VGLL3: variants seen among roughly 807,000 people sequenced by gnomAD.
VGLL3 encodes vestigial like family member 3.
A neutral mutation model predicts 29.2 loss-of-function variants in VGLL3; 18 were observed. That is an observed-to-expected ratio of 0.62 (90% CI 0.43 to 0.91). The LOEUF (loss-of-function observed/expected upper bound fraction) is 0.91, where lower values mean the gene tolerates loss of function less well. VGLL3 is among the 40% of genes least tolerant of loss of function. VGLL3 has a pLI of 0.00. For synonymous variants in VGLL3, 180 were observed against 151.8 expected, an observed-to-expected ratio of 1.19 and a Z score of -1.36; for missense variants, 440 against 413.2, an observed-to-expected ratio of 1.06 and a Z score of -0.56.
At chr3:86,951,608 C>T (rs1265864062) in intron 3 of VGLL3, among the ~76,000 whole-genome samples, 2 of 152,158 alleles carry the variant, frequency 1.3e-5, no homozygotes, top group Non-Finnish European at 2.9e-5. Context: ...GCAGCAGCTT[C>T]ACAGATCTAC....
chr3:86,971,743 A>G (rs1705106200), intron 2 of VGLL3, among the ~76,000 whole-genome samples: 1 of 152,240 alleles, frequency 6.6e-6, no homozygotes, highest in Non-Finnish European at 1.5e-5. Context: ...GGTCATTTGT[A>G]AAATATTTCT....
chr3:86,952,044 A>G (rs1017255027), intron 3 of VGLL3, among the ~76,000 whole-genome samples: 1 of 152,200 alleles, frequency 6.6e-6, no homozygotes, highest in African/African-American at 2.4e-5. Context: ...ATGAAAAGAC[A>G]GAACCAAAAA....
At position 86,990,771 on chromosome 3, in the gene VGLL3, G is replaced by A; in HGVS notation, c.-28C>T. On this transcript the variant is annotated 5_prime_UTR_variant, in exon 1 of 4. Coordinates refer to ENST00000398399, the MANE Select transcript of VGLL3 (RefSeq NM_016206.4). ...CAGCCGGGGCAGTGGCGGCCCCCGA[G>A]CTGCCGCCGCCGCTCTACGCGCTGG... is the stretch of plus-strand genomic sequence containing the variant. 1 of 1,242,724 alleles carries A rather than the reference G, an allele frequency of 8.0e-7. No homozygotes were observed. The highest frequency in any genetic ancestry group is 1.0e-6 in the Non-Finnish European group (1 of 990,570). 77.0% of individuals were successfully genotyped at this position (1,242,724 alleles called of 1,614,324 possible).
Position 86,978,516 on chromosome 3 carries a change from G to A in VGLL3, c.403+10C>T. Reference sequence around the variant, plus strand: ...AGTGCCCTGGAGAACATCTGCTTTTGAATTCTTACCTCGCCATAGGGGGGT... The same window carrying A: ...AGTGCCCTGGAGAACATCTGCTTTTAAATTCTTACCTCGCCATAGGGGGGT... On this transcript the variant is annotated intron_variant, in intron 2 of 3. Transcript: ENST00000398399. 1 of 1,612,684 alleles carries A rather than the reference G, an allele frequency of 6.2e-7. No homozygotes were observed. Among genetic ancestry groups the A allele is most frequent in the Non-Finnish European group, 8.5e-7 (1 of 1,179,334 alleles).
Position 86,943,277 on chromosome 3 carries a change from A to C in VGLL3, c.*3747T>G, listed in dbSNP as rs1304177555. On this transcript the variant is annotated 3_prime_UTR_variant, in exon 4 of 4. Coordinates refer to ENST00000398399, the MANE Select transcript of VGLL3 (RefSeq NM_016206.4). ...ACTGCCCCCATCGGCTTAATTCAGC[A>C]AACACTATTTAAAGAAGGGACACTC... 1 of 152,190 alleles carries C rather than the reference A, an allele frequency of 6.6e-6. No individual in the cohort carries two copies. Among genetic ancestry groups the C allele is most frequent in the Non-Finnish European group, 1.5e-5 (1 of 68,034 alleles). 9.4% of individuals were successfully genotyped at this position (152,190 alleles called of 1,614,324 possible).
At chr3:86,984,193 A>T (rs1051958406) in intron 1 of VGLL3, among the ~76,000 whole-genome samples, 1 of 152,234 alleles carries the variant, frequency 6.6e-6, no homozygotes, top group African/African-American at 2.4e-5. Context: ...TATCTCCTTG[A>T]CAAATCAGAT....
At chr3:86,989,196 G>T (rs181222316) in intron 1 of VGLL3, among the ~76,000 whole-genome samples, 2 of 152,216 alleles carry the variant, frequency 1.3e-5, no homozygotes, top group South Asian at 4.1e-4. Context: ...TATAAAGGAG[G>T]AAAGTATCTT....
intron 3 of VGLL3, among the ~76,000 whole-genome samples, chr3:86,966,771 GTGTATATA>G (rs1249502101): frequency 0.024 from 1,630 of 68,128 alleles, 8 homozygotes; most frequent in Non-Finnish European, 0.033. Context: ...TAGTGTGTGT[GTGTATATA>G]TATATATATA....
intron 3 of VGLL3, among the ~76,000 whole-genome samples, chr3:86,966,303 A>G (rs1704958677): frequency 6.6e-6 from 1 of 152,128 alleles, no homozygotes; most frequent in African/African-American, 2.4e-5. Context: ...CATGTTCCAG[A>G]ATCTAAATTT....
At chr3:86,968,494 C>T in intron 3 of VGLL3, 96 bp downstream of exon 3, 1 of 1,386,990 alleles carries the variant, frequency 7.2e-7, no homozygotes, top group Non-Finnish European at 9.7e-7. Flanking sequence ...TAAAGTTTAA[C>T]TTTACAGATA....
At chr3:86,955,211 G>A (rs771601585) in intron 3 of VGLL3, among the ~76,000 whole-genome samples, 15 of 152,022 alleles carry the variant, frequency 9.9e-5, no homozygotes, top group Non-Finnish European at 2.1e-4. Flanking sequence ...TTCAAAAGAC[G>A]CTTAGAAACT....
intron 2 of VGLL3, among the ~76,000 whole-genome samples, chr3:86,971,655 C>A (rs1054150586): frequency 1.3e-5 from 2 of 152,110 alleles, no homozygotes; most frequent in African/African-American, 4.8e-5. Context: ...CTCTTTGCAA[C>A]ATATGAAAAA....
intron 2 of VGLL3, among the ~76,000 whole-genome samples, chr3:86,974,825 C>T (rs928495160): frequency 6.6e-6 from 1 of 152,150 alleles, no homozygotes; most frequent in Non-Finnish European, 1.5e-5. Context: ...CTAACATTAT[C>T]ATTAGCCTTT....
At position 86,970,939 on chromosome 3, in the gene VGLL3, G is replaced by T. The variant is rs373211013; in HGVS notation, c.404-1816C>A. Among the ~76,000 whole-genome samples, 5 of 152,078 alleles carry T rather than the reference G, an allele frequency of 3.3e-5. No individual in the cohort carries two copies. The South Asian group carries it at 1.0e-3, about 32-fold the overall frequency. ...GAACTCATTAATTCAAATTATCTAC[G>T]GCTTAATACTGCTAACAGTCTGTGA... On this transcript the variant is annotated intron_variant, in intron 2 of 3. Coordinates refer to ENST00000398399, the MANE Select transcript of VGLL3 (RefSeq NM_016206.4).
chr3:86,956,970 T>A (rs1704737558), intron 3 of VGLL3, among the ~76,000 whole-genome samples: 1 of 152,180 alleles, frequency 6.6e-6, no homozygotes, highest in African/African-American at 2.4e-5. Context: ...TTATTGAAGT[T>A]TTGTTGAGCC....
At position 86,990,800 on chromosome 3, in the gene VGLL3, G is replaced by C; in HGVS notation, c.-57C>G. The stretch of plus-strand genomic sequence containing the variant: ...CCGCCGCCGCTCTACGCGCTGGCGC[G>C]AGGGGCGCGGGCGCCGCCGCCGCCG... On this transcript the variant is annotated 5_prime_UTR_variant, in exon 1 of 4. Transcript: ENST00000398399. 8.1e-7 allele frequency: 1 copy of C among 1,231,536 alleles called. No individual in the cohort carries two copies. The allele number at this position is 1,231,536 out of a possible 1,614,324, so 76.3% of individuals were successfully genotyped here.
At chr3:86,955,904 T>G (rs1704712300) in intron 3 of VGLL3, among the ~76,000 whole-genome samples, 1 of 152,228 alleles carries the variant, frequency 6.6e-6, no homozygotes, top group African/African-American at 2.4e-5. Context: ...CATATCAGAC[T>G]GTAACCCAAA....
chr3:86,971,471 G>C (rs1307633027), intron 2 of VGLL3, among the ~76,000 whole-genome samples: 2 of 152,128 alleles, frequency 1.3e-5, no homozygotes, highest in African/African-American at 2.4e-5. Flanking sequence ...GGAAATCTAG[G>C]AAATGGTGTT....
Position 86,938,608 on chromosome 3 carries a change from A to T in VGLL3, c.*8416T>A, listed in dbSNP as rs373921333. ...TCAGTCACAGCCAAACTTGGTATGG[A>T]AAGTAAAACAGTTGTGCTTGAGTGT... is the stretch of plus-strand genomic sequence containing the variant. On this transcript the variant is annotated 3_prime_UTR_variant, in exon 4 of 4. Coordinates refer to ENST00000398399, the MANE Select transcript of VGLL3 (RefSeq NM_016206.4). 3 of 152,806 alleles carry T rather than the reference A, an allele frequency of 2.0e-5. No individual in the cohort carries two copies. The East Asian group carries it at 5.8e-4, about 29-fold the overall frequency. 9.5% of individuals were successfully genotyped at this position (152,806 alleles called of 1,614,324 possible).
Sources: gnomAD v4.1 joint callset for allele counts (sites outside exome capture counted in the v4.1 genomes callset) on GRCh38, gnomAD v4.1.1 for gene constraint, MANE v1.5 for transcripts, NCBI Gene and HGNC (gene_info 2026-07-23, HGNC 2026-07-21) for gene names.